The following NMNAT3 variants were observed in gnomAD, a reference collection of about 807,000 sequenced individuals.
NMNAT3 encodes the protein nicotinamide/nicotinic acid mononucleotide adenylyltransferase 3.
A neutral mutation model predicts 24.8 loss-of-function variants in NMNAT3; 21 were observed. The observed-to-expected ratio is 0.85, with a 90% CI of 0.60 to 1.22. NMNAT3 has a LOEUF of 1.22. NMNAT3 is among the 50% of genes most tolerant of loss of function. The pLI is 0.00. For synonymous variants in NMNAT3, 136 were observed against 155.2 expected (o/e 0.88, Z 0.92); for missense variants, 387 against 436.6 (o/e 0.89, Z 1.01).
At chr3:139,574,936 G>A (rs912746217) in intron 5 of NMNAT3, among the ~76,000 whole-genome samples, 3 of 152,146 alleles carry the variant, frequency 2.0e-5, no homozygotes, top group African/African-American at 7.2e-5. Flanking sequence ...TGGAGTCTTG[G>A]TGTCTCTAGT....
At chr3:139,644,786 G>A (rs987513399) in intron 1 of NMNAT3, among the ~76,000 whole-genome samples, 3 of 152,174 alleles carry the variant, frequency 2.0e-5, no homozygotes, top group Non-Finnish European at 2.9e-5. Context: ...GAACACATAC[G>A]TGGTCATAAT....
chr3:139,616,363 G>A (rs1033118055), intron 3 of NMNAT3, among the ~76,000 whole-genome samples: 14 of 152,210 alleles, frequency 9.2e-5, no homozygotes, highest in African/African-American at 2.4e-4. Context: ...TTTGTAAGCC[G>A]ATTCTCCTTT....
chr3:139,571,203 C>T (rs1190703527), intron 6 of NMNAT3: 1 of 152,314 alleles, frequency 6.6e-6, no homozygotes, highest in African/African-American at 2.4e-5. Flanking sequence ...TGGAAAAGCG[C>T]AGTATTAGGG....
At chr3:139,648,641 A>G (rs1455176598) in intron 1 of NMNAT3, among the ~76,000 whole-genome samples, 1 of 152,234 alleles carries the variant, frequency 6.6e-6, no homozygotes, top group Admixed American at 6.5e-5. Context: ...TCAAACAAAT[A>G]GTTTAATTAT....
intron 1 of NMNAT3, among the ~76,000 whole-genome samples, chr3:139,655,962 T>G (rs942672636): frequency 1.3e-5 from 2 of 152,258 alleles, no homozygotes; most frequent in African/African-American, 2.4e-5. Flanking sequence ...TAAATCTTGC[T>G]TTTTCTGCTT....
At chr3:139,665,735 AGAGAGAG>A (rs2057558483) in intron 1 of NMNAT3, among the ~76,000 whole-genome samples, 1 of 150,410 alleles carries the variant, frequency 6.6e-6, no homozygotes, top group South Asian at 2.1e-4. Flanking sequence ...GGAGAGAGAG[AGAGAGAG>A]AGAGAGAGAG....
intron 3 of NMNAT3, among the ~76,000 whole-genome samples, chr3:139,600,183 C>T (rs2054648704): frequency 6.6e-6 from 1 of 152,176 alleles, no homozygotes; most frequent in Non-Finnish European, 1.5e-5. Flanking sequence ...TGAGGTTTCT[C>T]TTTCTTTATT....
intron 1 of NMNAT3, among the ~76,000 whole-genome samples, chr3:139,659,127 G>A (rs924002663): frequency 2.0e-5 from 3 of 152,188 alleles, no homozygotes; most frequent in Non-Finnish European, 2.9e-5. Context: ...GCTGAATGGT[G>A]TTCCATTATT....
chr3:139,595,466 A>G (rs576694622), intron 3 of NMNAT3, among the ~76,000 whole-genome samples: 3 of 152,338 alleles, frequency 2.0e-5, no homozygotes, highest in Admixed American at 2.0e-4. Context: ...ACTACTTTAA[A>G]GTTCATATGG....
At chr3:139,591,598 C>T (rs2054183595) in intron 3 of NMNAT3, among the ~76,000 whole-genome samples, 1 of 152,332 alleles carries the variant, frequency 6.6e-6, no homozygotes, top group East Asian at 1.9e-4. Flanking sequence ...AGCAGTGGTT[C>T]TCCCACCACG....
chr3:139,625,920 G>C (rs534553681), intron 3 of NMNAT3, among the ~76,000 whole-genome samples: 11 of 152,220 alleles, frequency 7.2e-5, no homozygotes, highest in African/African-American at 2.6e-4. Context: ...GATATGGAAT[G>C]GATATAGAAT....
intron 3 of NMNAT3, among the ~76,000 whole-genome samples, chr3:139,598,864 G>A (rs184525194): frequency 6.6e-6 from 1 of 151,956 alleles, no homozygotes; most frequent in African/African-American, 2.4e-5. Flanking sequence ...CTACTGCACT[G>A]TACTGATGAT....
chr3:139,615,827 C>A lies in NMNAT3; in HGVS notation c.109+11789G>T, dbSNP rs575759816. On this transcript the variant is annotated intron_variant, in intron 3 of 6. Coordinates refer to ENST00000643695, the MANE Select transcript of NMNAT3 (RefSeq NM_001320510.2). ...TTGCAGTTGCAAGCAATGCAGCCATCAACAATCTTTCAAACATGAAAATTC... is the reference window on the plus strand; with the variant it reads ...TTGCAGTTGCAAGCAATGCAGCCATAAACAATCTTTCAAACATGAAAATTC... Among the ~76,000 whole-genome samples, 14 of 151,266 alleles carry A rather than the reference C, an allele frequency of 9.3e-5. 1 individual carries two copies. The South Asian group carries it at 3.0e-3, about 32-fold the overall frequency.
At chr3:139,613,288 G>GA (rs1430949743) in intron 3 of NMNAT3, among the ~76,000 whole-genome samples, 8 of 152,068 alleles carry the variant, frequency 5.3e-5, no homozygotes, top group Non-Finnish European at 1.0e-4. Flanking sequence ...AAATTTACAA[G>GA]AAAAAATCAA....
At chr3:139,567,838 G>C (rs1402352847) in intron 6 of NMNAT3, 1 of 152,146 alleles carries the variant, frequency 6.6e-6, no homozygotes, top group Non-Finnish European at 1.5e-5. Context: ...TTTGGTATCA[G>C]GATGATGCTG....
At chr3:139,575,878 A>T in intron 5 of NMNAT3, 1 of 1,264,330 alleles carries the variant, frequency 7.9e-7, no homozygotes, top group Non-Finnish European at 1.0e-6. Flanking sequence ...CAGCCTGCAG[A>T]TCCCTGTTTT....
chr3:139,672,900 C>A (rs931775155), intron 1 of NMNAT3, among the ~76,000 whole-genome samples: 4 of 152,138 alleles, frequency 2.6e-5, no homozygotes, highest in Non-Finnish European at 5.9e-5. Flanking sequence ...GGCATGGTGC[C>A]CCTCTGGAGA....
At chr3:139,570,288 A>G (rs1208486777) in intron 6 of NMNAT3, 1 of 152,146 alleles carries the variant, frequency 6.6e-6, no homozygotes, top group African/African-American at 2.4e-5. Context: ...ATTGGTTCAG[A>G]TTTCCTCCTG....
At chr3:139,633,775 T>A (rs2056395483) in intron 2 of NMNAT3, among the ~76,000 whole-genome samples, 1 of 152,058 alleles carries the variant, frequency 6.6e-6, no homozygotes, top group Admixed American at 6.5e-5. Flanking sequence ...TGGCTCAAGA[T>A]GAAGCTGCAG....
Sources: gnomAD v4.1 joint callset for allele counts (sites outside exome capture counted in the v4.1 genomes callset) on GRCh38, gnomAD v4.1.1 for gene constraint, MANE v1.5 for transcripts, NCBI Gene and HGNC (gene_info 2026-07-23, HGNC 2026-07-21) for gene names.